FOXJ3: variants seen among roughly 807,000 people sequenced by gnomAD.
FOXJ3 encodes the protein forkhead box J3.
In FOXJ3, 22 loss-of-function variants were observed where a neutral mutation model predicts 76.1. The observed-to-expected ratio is 0.29, with a 90% CI of 0.21 to 0.41. The LOEUF is 0.41. Among genes scored for constraint, FOXJ3 ranks in the 10% least tolerant of loss-of-function variants. FOXJ3 has a pLI of 1.00. For synonymous variants in FOXJ3, 269 were observed against 261.2 expected, an observed-to-expected ratio of 1.03 and a Z score of -0.29; for missense variants, 613 against 762.1, an observed-to-expected ratio of 0.80 and a Z score of 2.30.
chr1:42,312,107 C>T (rs1331787923), intron 1 of FOXJ3, among the ~76,000 whole-genome samples: 1 of 152,092 alleles, frequency 6.6e-6, no homozygotes, highest in Non-Finnish European at 1.5e-5. Flanking sequence ...AGGGCTATTG[C>T]CAGTTCTAGT....
intron 4 of FOXJ3, among the ~76,000 whole-genome samples, chr1:42,246,764 A>G (rs1649587677): frequency 6.6e-6 from 1 of 152,208 alleles, no homozygotes; most frequent in African/African-American, 2.4e-5. Context: ...AACATTATTC[A>G]CAAAAGCAAA....
chr1:42,230,525 G>T (rs1446769897), intron 4 of FOXJ3, among the ~76,000 whole-genome samples: 2 of 152,116 alleles, frequency 1.3e-5, no homozygotes, highest in East Asian at 1.9e-4. Flanking sequence ...TATACACATA[G>T]TTTGAAGGTA....
intron 2 of FOXJ3, among the ~76,000 whole-genome samples, chr1:42,293,490 A>T (rs940426991): frequency 3.9e-5 from 6 of 152,022 alleles, no homozygotes; most frequent in South Asian, 2.1e-4. Context: ...TAAAATGTCT[A>T]AAAAAAATCT....
chr1:42,292,408 C>T (rs1653498293), intron 2 of FOXJ3, among the ~76,000 whole-genome samples: 1 of 152,162 alleles, frequency 6.6e-6, no homozygotes, highest in Admixed American at 6.5e-5. Context: ...TGAAAACAAT[C>T]CAAATATCCA....
chr1:42,179,830 A>T lies in FOXJ3; in HGVS notation c.1754-5T>A, dbSNP rs1198142617. On this transcript the variant is annotated splice_region_variant and splice_polypyrimidine_tract_variant and intron_variant, in intron 12 of 12. Coordinates refer to ENST00000361346, the MANE Select transcript of FOXJ3 (RefSeq NM_014947.5). The stretch of plus-strand genomic sequence containing the variant: ...GGTTCATGGCTCTGTGATGGCCTGG[A>T]AGGAAAGAGGCAATAATAGCAGCGA... The T allele has an allele frequency of 5.0e-6, 8 of 1,602,580 alleles. No individual in the cohort carries two copies. In the African/African-American group the frequency reaches 5.4e-5, roughly 11 times the overall value.
chr1:42,276,271 G>C (rs2124666048), intron 3 of FOXJ3, among the ~76,000 whole-genome samples: 1 of 152,122 alleles, frequency 6.6e-6, no homozygotes, highest in Admixed American at 6.5e-5. Flanking sequence ...CGGGAGAATT[G>C]CTTGAACCCA....
intron 4 of FOXJ3, among the ~76,000 whole-genome samples, chr1:42,262,650 AC>A (rs1651135633): frequency 1.3e-5 from 2 of 152,184 alleles, no homozygotes; most frequent in East Asian, 1.9e-4. Context: ...GGAGTTTGAC[AC>A]CAGCTTGGCC....
In FOXJ3 at chr1:42,191,628, T is replaced by C. The variant is rs1174024325; in HGVS notation, c.1026A>G (p.Pro342=). ...TGGACAGGCTGCTTTGGTTGCTGTG[T>C]GGGTGAGTGCTCACTGTACTGCTGG... ...HSPSSTVSTH[P]HSNQSSLSNS... is the part of the protein sequence containing the mutation. The change falls in exon 9 of 13, where the codon CCA becomes CCG. Residue 342 remains proline (P), a synonymous_variant. Transcript: ENST00000361346. 4 of 1,614,052 alleles carry C rather than the reference T, an allele frequency of 2.5e-6. No homozygotes were observed. The Admixed American group carries it at 5.0e-5, about 20-fold the overall frequency.
At chr1:42,224,096 G>A (rs1312188823) in intron 5 of FOXJ3, among the ~76,000 whole-genome samples, 1 of 152,166 alleles carries the variant, frequency 6.6e-6, no homozygotes, top group Non-Finnish European at 1.5e-5. Flanking sequence ...TTATAGCTGA[G>A]AATACTGAAG....
At position 42,198,469 on chromosome 1, in the gene FOXJ3, T is replaced by C. The variant is rs116422760; in HGVS notation, c.759+633A>G. Among the ~76,000 whole-genome samples the C allele has an allele frequency of 1.4e-3, 219 of 152,336 alleles. 1 individual carries two copies. The highest frequency in any genetic ancestry group is 3.4e-3 in the Middle Eastern group (1 of 294). On this transcript the variant is annotated intron_variant, in intron 7 of 12. Transcript: ENST00000361346. ...ATTTACACTGACAAACAATGTGGTGTGTAGCTCTTGGGCTCTATTATCTGC... is the reference window on the plus strand; with the variant it reads ...ATTTACACTGACAAACAATGTGGTGCGTAGCTCTTGGGCTCTATTATCTGC...
intron 2 of FOXJ3, 82 bp downstream of exon 2, chr1:42,310,968 A>T (rs1654769528): frequency 1.3e-6 from 1 of 799,822 alleles, no homozygotes; most frequent in Non-Finnish European, 2.0e-6. Context: ...TCTCACCTTC[A>T]AATTCATTGT....
intron 5 of FOXJ3, among the ~76,000 whole-genome samples, chr1:42,214,913 A>C (rs1647035626): frequency 6.6e-6 from 1 of 152,256 alleles, no homozygotes. Context: ...TCTGCATCAA[A>C]GTAGAGGCTT....
intron 2 of FOXJ3, among the ~76,000 whole-genome samples, chr1:42,301,263 T>A (rs1309950594): frequency 6.6e-6 from 1 of 152,176 alleles, no homozygotes; most frequent in Non-Finnish European, 1.5e-5. Context: ...TGGCACCATC[T>A]TGGCTCGCCA....
At chr1:42,241,693 C>T (rs1387587645) in intron 4 of FOXJ3, among the ~76,000 whole-genome samples, 2 of 152,222 alleles carry the variant, frequency 1.3e-5, no homozygotes, top group East Asian at 1.9e-4. Context: ...CTTCGGATCC[C>T]AAGGGTTGTC....
At chr1:42,252,708 A>G (rs1356791782) in intron 4 of FOXJ3, among the ~76,000 whole-genome samples, 2 of 151,176 alleles carry the variant, frequency 1.3e-5, no homozygotes. Context: ...AGTTCTTTTA[A>G]TTGTGATGTT....
intron 6 of FOXJ3, among the ~76,000 whole-genome samples, chr1:42,204,879 C>T (rs1646831672): frequency 6.6e-6 from 1 of 152,096 alleles, no homozygotes; most frequent in African/African-American, 2.4e-5. Flanking sequence ...TAATCATTAT[C>T]TTTCTACAAG....
intron 2 of FOXJ3, among the ~76,000 whole-genome samples, chr1:42,308,665 C>A (rs1654614026): frequency 6.6e-6 from 1 of 152,128 alleles, no homozygotes; most frequent in South Asian, 2.1e-4. Context: ...CAGGGCTTCT[C>A]AGTTTATAAA....
chr1:42,251,242 G>A (rs186715307), intron 4 of FOXJ3, among the ~76,000 whole-genome samples: 209 of 152,186 alleles, frequency 1.4e-3, no homozygotes, highest in African/African-American at 4.8e-3. Context: ...ATAAAAATAA[G>A]AATGACAGCT....
chr1:42,289,362 C>T (rs1284633217), intron 2 of FOXJ3, among the ~76,000 whole-genome samples: 1 of 152,036 alleles, frequency 6.6e-6, no homozygotes, highest in East Asian at 1.9e-4. Flanking sequence ...AACCTCTAAG[C>T]CTCAAAGAAG....
Sources: allele counts gnomAD v4.1 joint callset (sites outside exome capture counted in the v4.1 genomes callset), GRCh38; gene constraint gnomAD v4.1.1; transcripts MANE v1.5; gene names NCBI Gene and HGNC (gene_info 2026-07-23, HGNC 2026-07-21).